The following RFC3 variants were observed in gnomAD, a reference collection of about 807,000 sequenced individuals.
RFC3 encodes replication factor C subunit 3.
In RFC3, 41 loss-of-function variants were observed where a neutral mutation model predicts 45.1. That is an observed-to-expected ratio of 0.91 (90% CI 0.71 to 1.18). The LOEUF (loss-of-function observed/expected upper bound fraction) is 1.18, where lower values mean the gene tolerates loss of function less well. RFC3 is among the 50% of genes most tolerant of loss of function. RFC3 has a pLI of 0.00. For missense variants in RFC3, 423 were observed against 428.1 expected, an observed-to-expected ratio of 0.99 and a Z score of 0.10; for synonymous variants, 149 against 144.0, an observed-to-expected ratio of 1.03 and a Z score of -0.25.
chr13:33,931,188 G>C (rs1246218174), intron 8 of RFC3, among the ~76,000 whole-genome samples: 2 of 152,184 alleles, frequency 1.3e-5, no homozygotes, highest in Admixed American at 1.3e-4. Context: ...GAATTTTCAA[G>C]AGCTGATGTT....
At position 33,821,037 on chromosome 13, in the gene RFC3, A is replaced by G. The variant is rs2081997970; in HGVS notation, c.88-95A>G. The G allele has an allele frequency of 3.2e-6, 4 of 1,263,144 alleles. No homozygotes were observed. The South Asian group carries it at 6.3e-5, about 20-fold the overall frequency. 78.2% of individuals were successfully genotyped at this position (1,263,144 alleles called of 1,614,324 possible). A position where few individuals can be genotyped will look rare whatever the true frequency, so the allele number is the denominator to read the frequency against. ...CTCATGAACTGGGAGTTTCATGGGT[A>G]GACACATAAAATATTTGTTACTTAA... On this transcript the variant is annotated intron_variant, in intron 1 of 8. Transcript: ENST00000380071.
intron 8 of RFC3, among the ~76,000 whole-genome samples, chr13:33,857,906 T>A (rs1048847625): frequency 1.2e-4 from 19 of 152,290 alleles, no homozygotes; most frequent in African/African-American, 4.1e-4. Flanking sequence ...TCTGGGAGTT[T>A]GGAGGTAGAC....
chr13:33,944,242 T>A (rs2082941927), intron 8 of RFC3, among the ~76,000 whole-genome samples: 1 of 152,220 alleles, frequency 6.6e-6, no homozygotes, highest in African/African-American at 2.4e-5. Flanking sequence ...TCCTTTTTCT[T>A]GTGCAATTAA....
intron 8 of RFC3, among the ~76,000 whole-genome samples, chr13:33,951,233 A>ATTTTTTTT (rs11336021): frequency 1.5e-5 from 2 of 134,158 alleles, no homozygotes; most frequent in African/African-American, 5.5e-5. Flanking sequence ...CTATAAGTAC[A>ATTTTTTTT]TTTTTTTTTT....
chr13:33,825,957 A>G, intron 4 of RFC3, 71 bp downstream of exon 4: 1 of 911,920 alleles, frequency 1.1e-6, no homozygotes, highest in Non-Finnish European at 1.7e-6. Context: ...TTGAGTTATG[A>G]AAGTGAACAG....
At chr13:33,869,413 G>A (rs867852143) in intron 8 of RFC3, among the ~76,000 whole-genome samples, 41 of 143,976 alleles carry the variant, frequency 2.8e-4, no homozygotes, top group Admixed American at 4.8e-4. Context: ...TTTAGGGGTA[G>A]GGGGCATGAT....
the RFC3 span, among the ~76,000 whole-genome samples, chr13:33,976,594 G>A: frequency 2.0e-5 from 3 of 152,094 alleles, no homozygotes; most frequent in Non-Finnish European, 2.9e-5. Flanking sequence ...AAAGATAAAT[G>A]TTTGAAGTGA....
downstream of RFC3, among the ~76,000 whole-genome samples, chr13:33,969,374 T>C (rs935790225): frequency 2.0e-5 from 3 of 152,208 alleles, no homozygotes; most frequent in Non-Finnish European, 4.4e-5. Context: ...CCAGCGATTT[T>C]CCTACAGAAA....
chr13:33,880,057 C>T (rs986409872), intron 8 of RFC3, among the ~76,000 whole-genome samples: 1 of 152,190 alleles, frequency 6.6e-6, no homozygotes, highest in Non-Finnish European at 1.5e-5. Flanking sequence ...ACAATCTTTC[C>T]CATTCAAGAT....
chr13:33,873,243 G>A (rs1310697062), intron 8 of RFC3, among the ~76,000 whole-genome samples: 1 of 152,144 alleles, frequency 6.6e-6, no homozygotes, highest in African/African-American at 2.4e-5. Flanking sequence ...ACCAACAAAT[G>A]TTCGAGCAAC....
At chr13:33,818,809 T>A (rs1489075441) in intron 1 of RFC3, among the ~76,000 whole-genome samples, 2 of 152,216 alleles carry the variant, frequency 1.3e-5, no homozygotes. Context: ...AGTAAAGTGT[T>A]GTAAATATGT....
intron 8 of RFC3, among the ~76,000 whole-genome samples, chr13:33,943,210 A>G (rs1405659422): frequency 6.6e-6 from 1 of 152,226 alleles, no homozygotes; most frequent in African/African-American, 2.4e-5. Context: ...CTTGCCTCAG[A>G]AATAGACCTA....
At chr13:33,899,488 A>G (rs988776160) in intron 8 of RFC3, among the ~76,000 whole-genome samples, 4 of 151,866 alleles carry the variant, frequency 2.6e-5, no homozygotes, top group Non-Finnish European at 5.9e-5. Flanking sequence ...ACATCCTTTT[A>G]CAATAAAAAG....
At chr13:33,896,408 G>A (rs1027401053) in intron 8 of RFC3, among the ~76,000 whole-genome samples, 5 of 151,964 alleles carry the variant, frequency 3.3e-5, no homozygotes, top group Admixed American at 1.3e-4. Context: ...GCAAAGAGAG[G>A]ATAGTAAAAG....
chr13:33,974,731 C>T, the RFC3 span, among the ~76,000 whole-genome samples: 1 of 152,136 alleles, frequency 6.6e-6, no homozygotes, highest in Non-Finnish European at 1.5e-5. Flanking sequence ...AAAGTGTAGA[C>T]ACTGTACTGA....
downstream of RFC3, among the ~76,000 whole-genome samples, chr13:33,839,448 C>G (rs1012733619): frequency 6.6e-6 from 1 of 152,172 alleles, no homozygotes; most frequent in African/African-American, 2.4e-5. Context: ...TTTTTACTGG[C>G]CAAGTGACAG....
downstream of RFC3, among the ~76,000 whole-genome samples, chr13:33,842,366 T>C (rs1441479641): frequency 6.6e-6 from 1 of 152,098 alleles, no homozygotes; most frequent in Non-Finnish European, 1.5e-5. Context: ...TGTAATACGA[T>C]CTAATCTTCC....
intron 8 of RFC3, among the ~76,000 whole-genome samples, chr13:33,886,365 C>T (rs963698577): frequency 4.0e-5 from 6 of 151,738 alleles, no homozygotes; most frequent in Admixed American, 2.0e-4. Flanking sequence ...GCTAACATGG[C>T]GAAACCCTGT....
intron 8 of RFC3, among the ~76,000 whole-genome samples, chr13:33,928,843 A>T (rs56944454): frequency 2.0e-5 from 3 of 151,636 alleles, no homozygotes; most frequent in African/African-American, 4.9e-5. Context: ...CTGGGGGGGG[A>T]AGTGAAAACT....
Sources: gnomAD v4.1 joint callset for allele counts (sites outside exome capture counted in the v4.1 genomes callset) on GRCh38, gnomAD v4.1.1 for gene constraint, MANE v1.5 for transcripts, NCBI Gene and HGNC (gene_info 2026-07-23, HGNC 2026-07-21) for gene names.